Variants in VWA8 observed in about 807,000 individuals in gnomAD.
The protein encoded by VWA8 is von Willebrand factor A domain-containing protein 8.
In VWA8, 221 loss-of-function variants were observed where a neutral mutation model predicts 241.5. The ratio of observed to expected loss-of-function variants is 0.91; its 90% CI spans 0.82 to 1.02. VWA8 has a LOEUF of 1.02. Ranked by LOEUF, VWA8 falls within the 50% of genes least tolerant of loss-of-function variation. The pLI is 0.00. For synonymous variants in VWA8, 852 were observed against 827.1 expected (o/e 1.03, Z -0.52); for missense variants, 2,322 against 2,328.7 (o/e 1.00, Z 0.06).
At chr13:41,767,919 A>C (rs1410109963) in intron 20 of VWA8, among the ~76,000 whole-genome samples, 1 of 152,274 alleles carries the variant, frequency 6.6e-6, no homozygotes, top group African/African-American at 2.4e-5. Flanking sequence ...AACAAAATAC[A>C]GATTCAAAAT....
chr13:41,732,953 T>G (rs1418799843), intron 21 of VWA8, among the ~76,000 whole-genome samples: 1 of 152,214 alleles, frequency 6.6e-6, no homozygotes, highest in East Asian at 1.9e-4. Context: ...GCCTTCTATC[T>G]AAGATTATTT....
chr13:41,737,256 A>C (rs961219378), intron 21 of VWA8, among the ~76,000 whole-genome samples: 1 of 152,210 alleles, frequency 6.6e-6, no homozygotes. Context: ...TTTTCAAGTG[A>C]AGATGAGTTC....
chr13:41,861,895 C>T (rs143133575), intron 12 of VWA8, among the ~76,000 whole-genome samples: 204 of 152,258 alleles, frequency 1.3e-3, no homozygotes, highest in African/African-American at 3.9e-3. Context: ...AGATTAAATG[C>T]TATTCCTATC....
chr13:41,597,705 C>T (rs1159642379), intron 40 of VWA8, among the ~76,000 whole-genome samples: 4 of 152,024 alleles, frequency 2.6e-5, no homozygotes, highest in African/African-American at 7.2e-5. Context: ...TCTCGGTGTG[C>T]AAACATAACA....
At chr13:41,729,798 G>GACACACACAC (rs59345894) in intron 22 of VWA8, 121 bp from the exon 23 acceptor site, 712 of 445,102 alleles carry the variant, frequency 1.6e-3, no homozygotes, top group African/African-American at 4.5e-3. Flanking sequence ...TATACACGTA[G>GACACACACAC]ACACACACAC....
intron 9 of VWA8, among the ~76,000 whole-genome samples, chr13:41,882,703 C>T (rs1245991828): frequency 6.6e-6 from 1 of 152,164 alleles, no homozygotes; most frequent in Non-Finnish European, 1.5e-5. Context: ...ACTCGGCAGG[C>T]TGAGGCAGGA....
chr13:41,668,225 T>G (rs1363793625), intron 37 of VWA8, among the ~76,000 whole-genome samples: 1 of 152,198 alleles, frequency 6.6e-6, no homozygotes, highest in East Asian at 1.9e-4. Context: ...CAGCCCTCAC[T>G]GCTGACCTAA....
chr13:41,742,345 T>G (rs990992879), intron 21 of VWA8, among the ~76,000 whole-genome samples: 1 of 152,142 alleles, frequency 6.6e-6, no homozygotes, highest in Non-Finnish European at 1.5e-5. Flanking sequence ...ATGCTGGAAG[T>G]AGGAAGTTCA....
chr13:41,704,568 C>A (rs773245578), intron 26 of VWA8, among the ~76,000 whole-genome samples: 1 of 151,454 alleles, frequency 6.6e-6, no homozygotes, highest in Non-Finnish European at 1.5e-5. Context: ...GACTCATGAT[C>A]CTCCCACCTC....
At chr13:41,846,247 G>C (rs1411539744) in intron 12 of VWA8, among the ~76,000 whole-genome samples, 26 of 152,072 alleles carry the variant, frequency 1.7e-4, no homozygotes, top group Non-Finnish European at 2.9e-5. Flanking sequence ...ATGAAATCAA[G>C]ATTGGTGTAA....
intron 12 of VWA8, among the ~76,000 whole-genome samples, chr13:41,852,621 A>C (rs1243724076): frequency 6.6e-6 from 1 of 151,956 alleles, no homozygotes; most frequent in Non-Finnish European, 1.5e-5. Context: ...ATCCATTCTT[A>C]GTTGATTTTT....
At chr13:41,924,829 G>A (rs1876753398) in intron 2 of VWA8, among the ~76,000 whole-genome samples, 1 of 151,422 alleles carries the variant, frequency 6.6e-6, no homozygotes, top group Non-Finnish European at 1.5e-5. Flanking sequence ...AGTTACATAT[G>A]TATACATGTG....
intron 12 of VWA8, 184 bp downstream of exon 12, chr13:41,865,552 G>A: frequency 1.6e-6 from 1 of 609,980 alleles, no homozygotes; most frequent in Non-Finnish European, 2.7e-6. Context: ...AGATATCCTA[G>A]AATGTACTTT....
chr13:41,919,176 A>G (rs1876396228), intron 2 of VWA8, among the ~76,000 whole-genome samples: 1 of 152,186 alleles, frequency 6.6e-6, no homozygotes, highest in Admixed American at 6.5e-5. Context: ...GGCCACATAG[A>G]GAAGGAAAGG....
At chr13:41,946,912 G>A (rs1315300182) in intron 2 of VWA8, among the ~76,000 whole-genome samples, 6 of 152,082 alleles carry the variant, frequency 3.9e-5, no homozygotes, top group Non-Finnish European at 7.4e-5. Context: ...TCCAGAACCC[G>A]CCCATCCTCA....
chr13:41,632,067 G>A (rs2044730336), intron 37 of VWA8, among the ~76,000 whole-genome samples: 1 of 152,188 alleles, frequency 6.6e-6, no homozygotes, highest in South Asian at 2.1e-4. Flanking sequence ...CCAGCCATCA[G>A]ACCTCCATAG....
chr13:41,842,231 T>C (rs1018559835), intron 12 of VWA8, among the ~76,000 whole-genome samples: 1 of 152,166 alleles, frequency 6.6e-6, no homozygotes, highest in African/African-American at 2.4e-5. Context: ...CTAAGCATGC[T>C]CAGTGAACAG....
At chr13:41,901,693 T>C (rs890156131) in intron 4 of VWA8, among the ~76,000 whole-genome samples, 4 of 151,348 alleles carry the variant, frequency 2.6e-5, no homozygotes, top group African/African-American at 7.3e-5. Context: ...GGCAAAACCA[T>C]GTCTCCATGA....
chr13:41,820,036 G>A (rs1433363933), intron 14 of VWA8, among the ~76,000 whole-genome samples: 2 of 152,198 alleles, frequency 1.3e-5, no homozygotes, highest in African/African-American at 4.8e-5. Flanking sequence ...GAGGAAGCAT[G>A]TAAATTTTCT....
Sources: allele counts gnomAD v4.1 joint callset (sites outside exome capture counted in the v4.1 genomes callset), GRCh38; gene constraint gnomAD v4.1.1; transcripts MANE v1.5; gene names NCBI Gene and HGNC (gene_info 2026-07-23, HGNC 2026-07-21).